Variants in PRKCH observed in about 807,000 individuals in gnomAD.
The protein encoded by PRKCH is protein kinase C eta, also known as protein kinase C eta type.
Under a neutral mutation model 82.5 loss-of-function variants are expected in PRKCH, and 28 were observed. The ratio of observed to expected loss-of-function variants is 0.34; its 90% CI spans 0.25 to 0.47. The LOEUF is 0.47. Among genes scored for constraint, PRKCH ranks in the 20% least tolerant of loss-of-function variants. The pLI, the probability that PRKCH is intolerant of heterozygous loss-of-function variation, is 1.00. For synonymous variants in PRKCH, 322 were observed against 327.4 expected, an observed-to-expected ratio of 0.98 and a Z score of 0.18; for missense variants, 705 against 881.8, an observed-to-expected ratio of 0.80 and a Z score of 2.54.
intron 1 of PRKCH, among the ~76,000 whole-genome samples, chr14:61,235,063 A>G (rs1182189135): frequency 1.3e-5 from 2 of 152,180 alleles, no homozygotes; most frequent in East Asian, 3.9e-4. Context: ...GCACATGGGG[A>G]TATCTACTTG....
chr14:61,287,537 T>C (rs1025772239), intron 1 of PRKCH, among the ~76,000 whole-genome samples: 2 of 151,862 alleles, frequency 1.3e-5, no homozygotes, highest in Non-Finnish European at 2.9e-5. Flanking sequence ...ATAGCGAGAC[T>C]CCATCTCTAC....
chr14:61,288,140 C>A (rs188039361), intron 1 of PRKCH, among the ~76,000 whole-genome samples: 1 of 152,132 alleles, frequency 6.6e-6, no homozygotes, highest in East Asian at 1.9e-4. Context: ...AACTCAGGTG[C>A]CCAACAAAGA....
chr14:61,309,139 T>C (rs2045503496), intron 1 of PRKCH, among the ~76,000 whole-genome samples: 1 of 151,774 alleles, frequency 6.6e-6, no homozygotes, highest in Non-Finnish European at 1.5e-5. Context: ...CAAAATTAGC[T>C]GGGTGTGGTG....
At chr14:61,424,083 T>C (rs1031579426) in intron 2 of PRKCH, among the ~76,000 whole-genome samples, 7 of 152,246 alleles carry the variant, frequency 4.6e-5, no homozygotes, top group Admixed American at 4.6e-4. Flanking sequence ...GTAAGACATA[T>C]CTGCTTCCCC....
At chr14:61,219,012 A>G (rs562793785) in intron 1 of PRKCH, among the ~76,000 whole-genome samples, 2 of 152,356 alleles carry the variant, frequency 1.3e-5, no homozygotes, top group South Asian at 2.1e-4. Flanking sequence ...ATTAGGGGCA[A>G]TGGGAGGCTT....
At chr14:61,409,204 A>T (rs1404278614) in intron 2 of PRKCH, among the ~76,000 whole-genome samples, 1 of 152,186 alleles carries the variant, frequency 6.6e-6, no homozygotes, top group Non-Finnish European at 1.5e-5. Context: ...GTTCATGGGC[A>T]TGCACACTGC....
At chr14:61,223,594 A>G (rs1215570754) in intron 1 of PRKCH, among the ~76,000 whole-genome samples, 2 of 152,134 alleles carry the variant, frequency 1.3e-5, no homozygotes, top group Non-Finnish European at 2.9e-5. Context: ...CCCACACTCC[A>G]TTAGACAGCA....
At chr14:61,240,127 G>A (rs2185447) in intron 1 of PRKCH, among the ~76,000 whole-genome samples, 58,123 of 151,308 alleles carry the variant, frequency 0.38, 11,332 homozygotes, top group Admixed American at 0.45. Context: ...TAGAAACACC[G>A]TGGGTCCTTT....
At chr14:61,293,345 G>A (rs899222724) in intron 1 of PRKCH, among the ~76,000 whole-genome samples, 4 of 152,226 alleles carry the variant, frequency 2.6e-5, no homozygotes, top group African/African-American at 4.8e-5. Flanking sequence ...TAGGCAGCAA[G>A]TGTGACAGCA....
At chr14:61,484,151 T>C (rs1368872830) in intron 9 of PRKCH, among the ~76,000 whole-genome samples, 1 of 152,166 alleles carries the variant, frequency 6.6e-6, no homozygotes, top group Non-Finnish European at 1.5e-5. Context: ...CCCAAGTCGA[T>C]GGCACTCATC....
intron 10 of PRKCH, among the ~76,000 whole-genome samples, chr14:61,506,659 G>T (rs907840272): frequency 6.6e-6 from 1 of 151,958 alleles, no homozygotes; most frequent in African/African-American, 2.4e-5. Context: ...ACCAAGAAAA[G>T]AAAAAAATGC....
chr14:61,531,880 A>G (rs2043047570), intron 12 of PRKCH, among the ~76,000 whole-genome samples: 1 of 152,250 alleles, frequency 6.6e-6, no homozygotes, highest in Non-Finnish European at 1.5e-5. Flanking sequence ...TATGGAAAAA[A>G]AAAGTCACAG....
intron 10 of PRKCH, among the ~76,000 whole-genome samples, chr14:61,513,562 A>G (rs1176562087): frequency 6.6e-6 from 1 of 152,160 alleles, no homozygotes; most frequent in Non-Finnish European, 1.5e-5. Flanking sequence ...AATGTGTTTT[A>G]ATTTTTCCTT....
At chr14:61,380,215 C>A (rs2046484174) in intron 1 of PRKCH, among the ~76,000 whole-genome samples, 1 of 152,056 alleles carries the variant, frequency 6.6e-6, no homozygotes, top group Admixed American at 6.6e-5. Context: ...CATGCCACCA[C>A]ACCTGGCTAT....
At chr14:61,206,589 G>A (rs954287109) in intron 1 of PRKCH, among the ~76,000 whole-genome samples, 1 of 152,094 alleles carries the variant, frequency 6.6e-6, no homozygotes, top group Non-Finnish European at 1.5e-5. Flanking sequence ...AGAAAGATAG[G>A]GGAGTACTCA....
intron 1 of PRKCH, chr14:61,361,268 T>A (rs1426417754): frequency 6.6e-6 from 1 of 152,234 alleles, no homozygotes; most frequent in African/African-American, 2.4e-5. Context: ...CTCTTCTGCA[T>A]GCGGTGTCCC....
chr14:61,526,559 G>C lies in PRKCH; in HGVS notation c.1434-2516G>C, dbSNP rs114031592. On this transcript the variant is annotated intron_variant, in intron 10 of 13. Coordinates refer to ENST00000332981, the MANE Select transcript of PRKCH (RefSeq NM_006255.5). The stretch of plus-strand genomic sequence containing the variant: ...GCTGTATCAACTCACAGGACAGCGT[G>C]TGGAAACCAGTCATGCCAGTTCTGT... 2.9e-3 allele frequency among the ~76,000 whole-genome samples: 446 copies of C among 152,346 alleles called. 2 individuals are homozygous for C. The highest frequency in any genetic ancestry group is 0.01 in the African/African-American group (424 of 41,578).
chr14:61,503,422 G>T (rs1268618448), intron 10 of PRKCH, among the ~76,000 whole-genome samples: 1 of 152,062 alleles, frequency 6.6e-6, no homozygotes, highest in Non-Finnish European at 1.5e-5. Flanking sequence ...CCACAGACTG[G>T]CAGAATCTGT....
In PRKCH at chr14:61,322,108, T is replaced by TCTGGCACCATGC; in HGVS notation, c.18_19insCCTGGCACCATG (p.Met6_Lys7insProGlyThrMet). On this transcript the variant is annotated inframe_insertion, in exon 1 of 14. Transcript: ENST00000332981. ...CCGGGGCAGCGGCGCCGGCATGTCG[T>TCTGGCACCATGC]CTGGCACCATGAAGTTCAATGGCTA... 1 of 1,561,220 alleles carries TCTGGCACCATGC rather than the reference T, an allele frequency of 6.4e-7. No individual in the cohort carries two copies. The highest frequency in any genetic ancestry group is 1.2e-5 in the South Asian group (1 of 85,838).
Sources: gnomAD v4.1 joint callset for allele counts (sites outside exome capture counted in the v4.1 genomes callset) on GRCh38, gnomAD v4.1.1 for gene constraint, MANE v1.5 for transcripts, NCBI Gene and HGNC (gene_info 2026-07-23, HGNC 2026-07-21) for gene names.